Variants in AIM2 observed in about 807,000 individuals in gnomAD.
AIM2 encodes the protein interferon-inducible protein AIM2.
AIM2 carries 30 observed loss-of-function variants against 27.7 expected under a neutral mutation model. The observed-to-expected ratio is 1.08, with a 90% CI of 0.81 to 1.47. The LOEUF is 1.47. AIM2 is among the 40% of genes most tolerant of loss of function. The pLI is 0.00. For missense variants in AIM2, 358 were observed against 411.3 expected (o/e 0.87, Z 1.12); for synonymous variants, 141 against 145.3 (o/e 0.97, Z 0.21).
chr1:159,111,691 A>G (rs766750832), intron 1 of AIM2, among the ~76,000 whole-genome samples: 1 of 151,916 alleles, frequency 6.6e-6, no homozygotes, highest in Non-Finnish European at 1.5e-5. Flanking sequence ...TAAAATAAAT[A>G]AGATGGGGCC....
intron 1 of AIM2, among the ~76,000 whole-genome samples, chr1:159,124,141 G>C (rs996295651): frequency 6.6e-6 from 1 of 151,940 alleles, no homozygotes; most frequent in South Asian, 2.1e-4. Flanking sequence ...ATTAATGCTT[G>C]TTCCTAATAT....
chr1:159,122,844 C>G (rs1341595329), intron 1 of AIM2, among the ~76,000 whole-genome samples: 1 of 152,208 alleles, frequency 6.6e-6, no homozygotes, highest in Non-Finnish European at 1.5e-5. Context: ...AGTGGCAATT[C>G]TGACCCATTC....
At chr1:159,129,855 A>G (rs935519971) in intron 1 of AIM2, among the ~76,000 whole-genome samples, 1 of 151,822 alleles carries the variant, frequency 6.6e-6, no homozygotes, top group Non-Finnish European at 1.5e-5. Context: ...CAAACAAACC[A>G]CTCCCTAAAC....
At chr1:159,096,453 C>G (rs1023524077) in intron 1 of AIM2, among the ~76,000 whole-genome samples, 1 of 151,984 alleles carries the variant, frequency 6.6e-6, no homozygotes, top group Non-Finnish European at 1.5e-5. Flanking sequence ...TCATGTATAC[C>G]AGGGGAATAA....
intron 1 of AIM2, among the ~76,000 whole-genome samples, chr1:159,131,950 G>C (rs1046267993): frequency 2.0e-5 from 3 of 152,138 alleles, no homozygotes; most frequent in Non-Finnish European, 1.5e-5. Context: ...AGTCGGGAAA[G>C]AACGTATTTT....
chr1:159,056,744 A>AAAG, the AIM2 span, among the ~76,000 whole-genome samples: 1 of 145,988 alleles, frequency 6.8e-6, no homozygotes, highest in Non-Finnish European at 1.5e-5. Flanking sequence ...AAAAAAAAAA[A>AAAG]AAAACTACCC....
intron 1 of AIM2, among the ~76,000 whole-genome samples, chr1:159,131,523 C>T (rs1317732043): frequency 6.6e-6 from 1 of 152,080 alleles, no homozygotes; most frequent in Non-Finnish European, 1.5e-5. Context: ...AGTTTAGTAG[C>T]GTGATGCAAG....
intron 1 of AIM2, among the ~76,000 whole-genome samples, chr1:159,108,544 G>A (rs1028355226): frequency 5.3e-5 from 8 of 152,168 alleles, no homozygotes; most frequent in African/African-American, 1.9e-4. Flanking sequence ...CCTAGGCAGA[G>A]CAATCAGACA....
At chr1:159,090,863 T>C (rs1452170054) in intron 1 of AIM2, among the ~76,000 whole-genome samples, 2 of 152,218 alleles carry the variant, frequency 1.3e-5, no homozygotes, top group African/African-American at 4.8e-5. Flanking sequence ...TGCTAAAGAC[T>C]TTCCCTAAGC....
intron 1 of AIM2, among the ~76,000 whole-genome samples, chr1:159,088,948 A>G (rs915323589): frequency 5.3e-5 from 8 of 152,258 alleles, no homozygotes; most frequent in African/African-American, 1.7e-4. Flanking sequence ...AAGCAACACA[A>G]AATGGACTGA....
At chr1:159,066,619 C>G (rs1656114638) in intron 3 of AIM2, among the ~76,000 whole-genome samples, 1 of 152,192 alleles carries the variant, frequency 6.6e-6, no homozygotes, top group Non-Finnish European at 1.5e-5. Context: ...TATATAAAGA[C>G]TTCATCAGAT....
At chr1:159,109,366 A>G (rs1021626777) in intron 1 of AIM2, among the ~76,000 whole-genome samples, 26 of 152,190 alleles carry the variant, frequency 1.7e-4, no homozygotes, top group Admixed American at 1.7e-3. Context: ...ATGTAAGAGA[A>G]TGAAACTGGA....
intron 1 of AIM2, among the ~76,000 whole-genome samples, chr1:159,133,314 G>A (rs977649776): frequency 1.3e-5 from 2 of 152,172 alleles, no homozygotes; most frequent in African/African-American, 4.8e-5. Context: ...GTTGATCACT[G>A]TTGAAACTGA....
At chr1:159,105,048 C>T (rs1460594485) in intron 1 of AIM2, among the ~76,000 whole-genome samples, 1 of 152,192 alleles carries the variant, frequency 6.6e-6, no homozygotes, top group Non-Finnish European at 1.5e-5. Flanking sequence ...GCCTGGCAGG[C>T]TGTGCTTGGC....
chr1:159,113,260 T>C (rs1302467100), intron 1 of AIM2, among the ~76,000 whole-genome samples: 1 of 152,198 alleles, frequency 6.6e-6, no homozygotes, highest in Non-Finnish European at 1.5e-5. Flanking sequence ...TAATATTACA[T>C]GATAGGCATT....
chr1:159,092,653 C>G (rs976845685), intron 1 of AIM2, among the ~76,000 whole-genome samples: 5 of 152,140 alleles, frequency 3.3e-5, no homozygotes, highest in Admixed American at 3.3e-4. Context: ...TACGTTCAGA[C>G]AGAGAAACCA....
chr1:159,145,607 C>T (rs1277876983), intron 1 of AIM2, among the ~76,000 whole-genome samples: 1 of 152,166 alleles, frequency 6.6e-6, no homozygotes, highest in Non-Finnish European at 1.5e-5. Flanking sequence ...GCTATTGAGG[C>T]CTCTCAAGCC....
Position 159,062,858 on chromosome 1 carries a change from G to T in AIM2, c.1006-140C>A, listed in dbSNP as rs769238774. 2.0e-5 allele frequency: 16 copies of T among 796,222 alleles called. 1 individual carries two copies. The highest frequency in any genetic ancestry group is 2.3e-4 in the Middle Eastern group (1 of 4,322). The allele number at this position is 796,222 out of a possible 1,614,324, so 49.3% of individuals were successfully genotyped here. A position where few individuals can be genotyped will look rare whatever the true frequency, so the allele number is the denominator to read the frequency against. Reference sequence around the variant, plus strand: ...TTGTTCCCACCCTTCTAATACATTGGTCTGCCTTGGATCATACTCCTGAAG... The same window carrying T: ...TTGTTCCCACCCTTCTAATACATTGTTCTGCCTTGGATCATACTCCTGAAG... On this transcript the variant is annotated intron_variant, in intron 5 of 5. Coordinates refer to ENST00000368130, the MANE Select transcript of AIM2 (RefSeq NM_004833.3).
intron 2 of AIM2, 127 bp from the exon 3 acceptor site, chr1:159,068,828 T>C: frequency 1.0e-6 from 1 of 991,272 alleles, no homozygotes; most frequent in Non-Finnish European, 1.4e-6. Flanking sequence ...TAATTTTTCT[T>C]AAAAAAAAAT....
Sources: allele counts gnomAD v4.1 joint callset (sites outside exome capture counted in the v4.1 genomes callset), GRCh38; gene constraint gnomAD v4.1.1; transcripts MANE v1.5; gene names NCBI Gene and HGNC (gene_info 2026-07-23, HGNC 2026-07-21).